The following RAB11FIP3 variants were observed in gnomAD, a reference collection of about 807,000 sequenced individuals.
RAB11FIP3 encodes the protein rab11 family-interacting protein 3.
A neutral mutation model predicts 77.8 loss-of-function variants in RAB11FIP3; 17 were observed. The observed-to-expected ratio is 0.22, with a 90% CI of 0.15 to 0.33. RAB11FIP3 has a LOEUF of 0.33. RAB11FIP3 is among the 10% of genes least tolerant of loss of function. The probability of loss-of-function intolerance (pLI) is 1.00; values close to 1 mark genes in which losing one functional copy is unlikely to be tolerated. For missense variants in RAB11FIP3, 1,005 were observed against 1,011.2 expected (o/e 0.99, Z 0.08); for synonymous variants, 437 against 448.2 (o/e 0.98, Z 0.31).
chr16:445,792 T>G (rs1257334612), intron 1 of RAB11FIP3, among the ~76,000 whole-genome samples: 4 of 152,144 alleles, frequency 2.6e-5, no homozygotes, highest in African/African-American at 9.7e-5. Context: ...AGGTGCTTTG[T>G]GCCCACTTGG....
intron 5 of RAB11FIP3, among the ~76,000 whole-genome samples, chr16:490,032 G>A (rs180815615): frequency 2.0e-5 from 3 of 152,330 alleles, no homozygotes; most frequent in East Asian, 1.9e-4. Flanking sequence ...GGACTGGGGC[G>A]TTTCTAAACT....
intron 6 of RAB11FIP3, among the ~76,000 whole-genome samples, chr16:500,187 G>C (rs540464931): frequency 1.6e-4 from 25 of 152,352 alleles, no homozygotes; most frequent in African/African-American, 5.8e-4. Context: ...CAGGACTGGA[G>C]GAAGTGCTCA....
chr16:474,720 TA>T (rs1175906503), intron 3 of RAB11FIP3: 1 of 958,016 alleles, frequency 1.0e-6, no homozygotes, highest in Non-Finnish European at 1.4e-6. Context: ...TGCAAACCAT[TA>T]TCAGCTTAGG....
chr16:482,489 C>A, intron 3 of RAB11FIP3, 36 bp from the exon 4 acceptor site: 1 of 1,599,700 alleles, frequency 6.3e-7, no homozygotes, highest in Non-Finnish European at 8.6e-7. Flanking sequence ...CCCCTCCCAG[C>A]TTGTGCCCGC....
At chr16:435,708 A>G (rs575416658) in intron 1 of RAB11FIP3, among the ~76,000 whole-genome samples, 11 of 152,086 alleles carry the variant, frequency 7.2e-5, no homozygotes, top group African/African-American at 2.4e-4. Flanking sequence ...GCCTTTGCAC[A>G]TAGCATAGAG....
At chr16:441,921 C>T (rs896215722) in intron 1 of RAB11FIP3, among the ~76,000 whole-genome samples, 1 of 152,196 alleles carries the variant, frequency 6.6e-6, no homozygotes, top group African/African-American at 2.4e-5. Context: ...TCACTGTAAG[C>T]GCCACCTCCC....
Position 468,545 on chromosome 16 carries a change from G to C in RAB11FIP3, c.809-2750G>C, listed in dbSNP as rs146549350. 9.1e-4 allele frequency among the ~76,000 whole-genome samples: 139 copies of C among 152,244 alleles called. 4 individuals carry two copies. The East Asian group carries it at 0.026, about 28-fold the overall frequency. On this transcript the variant is annotated intron_variant, in intron 2 of 13. Coordinates refer to ENST00000262305, the MANE Select transcript of RAB11FIP3 (RefSeq NM_014700.4). Reference sequence around the variant, plus strand: ...CAGCCAAAGTTCACTTCAGGTGTTAGCTCCATCGTGGCTGCAGCAGCCTGT... The same window carrying C: ...CAGCCAAAGTTCACTTCAGGTGTTACCTCCATCGTGGCTGCAGCAGCCTGT...
At position 520,231 on chromosome 16, in the gene RAB11FIP3, G is replaced by A. The variant is rs1334172554; in HGVS notation, c.1970G>A (p.Arg657His). Residue 657 changes from arginine to histidine, a missense_variant, in exon 12 of 14, where the codon CGC (arginine) becomes CAC (histidine). Around this residue, in one of 4 missense-constraint regions of RAB11FIP3, gnomAD observed 433 missense variants for 436.1 expected, o/e 0.99. Coordinates refer to ENST00000262305, the MANE Select transcript of RAB11FIP3 (RefSeq NM_014700.4). The part of the protein sequence containing the change: ...SSMGLQEYHS[R>H]ARESELEQEV... ...ATGGGCCTGCAGGAGTACCACAGCC[G>A]CGCCCGGGAGAGCGAGCTGGAGCAG... 6 of 1,545,590 alleles carry A rather than the reference G, an allele frequency of 3.9e-6. No homozygotes were observed. Among genetic ancestry groups the A allele is most frequent in the South Asian group, 1.2e-5 (1 of 84,454 alleles).
At chr16:450,158 C>T (rs777602386) in intron 1 of RAB11FIP3, among the ~76,000 whole-genome samples, 19 of 151,950 alleles carry the variant, frequency 1.3e-4, no homozygotes, top group Non-Finnish European at 2.1e-4. Context: ...ACCTGCCGAA[C>T]GTGCACAACA....
rs541120327 is a variant in RAB11FIP3, at chr16:519,686, G to A, written c.1723-68G>A. On this transcript the variant is annotated intron_variant, in intron 10 of 13. Coordinates refer to ENST00000262305, the MANE Select transcript of RAB11FIP3 (RefSeq NM_014700.4). ...AGACTCAGAGATTGGAGGGACAGAC[G>A]GCCGGGGCAAGCTGCATGCACAGGT... 1.7e-3 allele frequency: 2,694 copies of A among 1,565,560 alleles called. 1 individual carries two copies. The highest frequency in any genetic ancestry group is 2.2e-3 in the Non-Finnish European group (2,545 of 1,151,504).
intron 6 of RAB11FIP3, among the ~76,000 whole-genome samples, chr16:498,315 A>G (rs1370214100): frequency 6.6e-6 from 1 of 152,134 alleles, no homozygotes; most frequent in Non-Finnish European, 1.5e-5. Flanking sequence ...CTGGGACTAC[A>G]GGTGCGCATT....
Position 475,463 on chromosome 16 carries a change from C to G in RAB11FIP3, c.903+4074C>G, listed in dbSNP as rs114526943. ...CCGGGGCCGGTGTGAGCTGTTACTG[C>G]ATTTTATCCAGGAGGCCGGGAGTGA... On this transcript the variant is annotated intron_variant, in intron 3 of 13. Coordinates refer to ENST00000262305, the MANE Select transcript of RAB11FIP3 (RefSeq NM_014700.4). Among the ~76,000 whole-genome samples the G allele has an allele frequency of 6.1e-3, 924 of 152,316 alleles. 10 individuals are homozygous for G. The highest frequency in any genetic ancestry group is 0.021 in the African/African-American group (879 of 41,562).
At chr16:441,940 G>A (rs573965828) in intron 1 of RAB11FIP3, among the ~76,000 whole-genome samples, 1 of 152,276 alleles carries the variant, frequency 6.6e-6, no homozygotes, top group Non-Finnish European at 1.5e-5. Flanking sequence ...CCAGGTTCAC[G>A]CCATTCTCCT....
chr16:446,008 T>C (rs2055310795), intron 1 of RAB11FIP3, among the ~76,000 whole-genome samples: 1 of 151,682 alleles, frequency 6.6e-6, no homozygotes, highest in African/African-American at 2.4e-5. Flanking sequence ...GAGACGAGGG[T>C]GCATCATAGA....
chr16:511,252 G>T (rs1205349973), intron 9 of RAB11FIP3, among the ~76,000 whole-genome samples: 1 of 114,810 alleles, frequency 8.7e-6, no homozygotes, highest in South Asian at 3.5e-4. Flanking sequence ...AGAGGTTCCC[G>T]ACAGCCTGCC....
At chr16:446,985 C>T (rs527780820) in intron 1 of RAB11FIP3, among the ~76,000 whole-genome samples, 17 of 152,032 alleles carry the variant, frequency 1.1e-4, no homozygotes, top group African/African-American at 4.1e-4. Context: ...AGGCGTGAGC[C>T]ACCATGCCCG....
chr16:482,884 G>T, intron 4 of RAB11FIP3, 148 bp downstream of exon 4: 1 of 846,496 alleles, frequency 1.2e-6, no homozygotes, highest in Non-Finnish European at 1.8e-6. Flanking sequence ...AGTAGCTCCT[G>T]ACCTTCCTGG....
intron 3 of RAB11FIP3, among the ~76,000 whole-genome samples, chr16:475,816 ACT>A (rs2055894584): frequency 6.6e-6 from 1 of 152,104 alleles, no homozygotes; most frequent in African/African-American, 2.4e-5. Context: ...GCACGGAGCC[ACT>A]CTGCAATGGC....
At chr16:476,795 A>C (rs2055918306) in intron 3 of RAB11FIP3, among the ~76,000 whole-genome samples, 1 of 149,450 alleles carries the variant, frequency 6.7e-6, no homozygotes. Context: ...AAAAAAAAGA[A>C]AGAAAAAATT....
Sources: gnomAD v4.1 joint callset for allele counts (sites outside exome capture counted in the v4.1 genomes callset) on GRCh38, gnomAD v4.1.1 for gene constraint, gnomAD v4.1.1 regional missense constraint, MANE v1.5 for transcripts, NCBI Gene and HGNC (gene_info 2026-07-23, HGNC 2026-07-21) for gene names.